Variants in BMP6 observed in about 807,000 individuals in gnomAD.
BMP6 encodes bone morphogenetic protein 6, also known as VG-1-R.
A neutral mutation model predicts 54.1 loss-of-function variants in BMP6; 17 were observed. That is an observed-to-expected ratio of 0.31 (90% CI 0.22 to 0.47). The LOEUF is 0.47. BMP6 is among the 20% of genes least tolerant of loss of function. The pLI is 1.00. For missense variants in BMP6, 720 were observed against 690.4 expected (o/e 1.04, Z -0.48); for synonymous variants, 328 against 291.2 (o/e 1.13, Z -1.28).
intron 4 of BMP6, among the ~76,000 whole-genome samples, chr6:7,868,081 G>T (rs1759454640): frequency 6.6e-6 from 1 of 152,182 alleles, no homozygotes; most frequent in Admixed American, 6.5e-5. Flanking sequence ...AGCACAGAGG[G>T]TCTTAGAGCT....
chr6:7,857,039 C>T (rs1057499128), intron 2 of BMP6, among the ~76,000 whole-genome samples: 26 of 152,268 alleles, frequency 1.7e-4, no homozygotes, highest in African/African-American at 4.6e-4. Flanking sequence ...TGCCCTTGTC[C>T]GAGGGCAAAG....
intron 1 of BMP6, among the ~76,000 whole-genome samples, chr6:7,730,766 C>G (rs1311824471): frequency 3.3e-5 from 5 of 152,184 alleles, no homozygotes; most frequent in Admixed American, 1.3e-4. Flanking sequence ...TAATTGCTGT[C>G]AATGCCATGT....
intron 1 of BMP6, among the ~76,000 whole-genome samples, chr6:7,813,108 A>AAAAAAAAATATATATATAT (rs1554122651): frequency 9.3e-5 from 2 of 21,496 alleles, no homozygotes; most frequent in Non-Finnish European, 1.5e-4. Context: ...AAAAAAAAAA[A>AAAAAAAAATATATATATAT]ATATATATAT....
chr6:7,801,357 C>T (rs1304227127), intron 1 of BMP6, among the ~76,000 whole-genome samples: 1 of 152,200 alleles, frequency 6.6e-6, no homozygotes, highest in Admixed American at 6.5e-5. Context: ...CTGAGAAACT[C>T]GATAGAGAAG....
intron 1 of BMP6, among the ~76,000 whole-genome samples, 162 bp from the exon 2 acceptor site, chr6:7,844,978 C>A (rs1001490136): frequency 6.6e-6 from 1 of 152,156 alleles, no homozygotes; most frequent in South Asian, 2.1e-4. Flanking sequence ...TTCATCTCCT[C>A]CTCATGGGCC....
At chr6:7,831,805 T>TG (rs1197749347) in intron 1 of BMP6, among the ~76,000 whole-genome samples, 1 of 152,190 alleles carries the variant, frequency 6.6e-6, no homozygotes, top group Non-Finnish European at 1.5e-5. Context: ...TCCTGGGTCC[T>TG]GGGGAAAGAC....
At chr6:7,832,801 G>T (rs1252189763) in intron 1 of BMP6, among the ~76,000 whole-genome samples, 1 of 149,708 alleles carries the variant, frequency 6.7e-6, no homozygotes, top group Non-Finnish European at 1.5e-5. Flanking sequence ...CTCAATCCAG[G>T]AAGTAAGAGA....
chr6:7,813,708 T>C (rs9328446), intron 1 of BMP6, among the ~76,000 whole-genome samples: 43,361 of 128,000 alleles, frequency 0.34, 9,598 homozygotes, highest in East Asian at 0.73. Flanking sequence ...ATTTGAAAAT[T>C]TCTATAGATA....
intron 1 of BMP6, among the ~76,000 whole-genome samples, chr6:7,732,695 C>T (rs925140686): frequency 3.3e-5 from 5 of 152,062 alleles, no homozygotes; most frequent in Admixed American, 6.6e-5. Context: ...GTATATCAAA[C>T]GTAGTATATC....
chr6:7,808,914 TAAA>T (rs70982107), intron 1 of BMP6, among the ~76,000 whole-genome samples: 5 of 88,996 alleles, frequency 5.6e-5, no homozygotes. Context: ...ACCCTGTCTC[TAAA>T]AAAAAAAAAA....
At chr6:7,835,389 G>A (rs1019490397) in intron 1 of BMP6, among the ~76,000 whole-genome samples, 23 of 152,300 alleles carry the variant, frequency 1.5e-4, no homozygotes, top group Admixed American at 5.2e-4. Context: ...GTGAGCCACC[G>A]TGCCCGGCCA....
At chr6:7,789,642 C>T (rs1758066254) in intron 1 of BMP6, among the ~76,000 whole-genome samples, 1 of 152,140 alleles carries the variant, frequency 6.6e-6, no homozygotes. Context: ...GAGGGGGTCA[C>T]TTGCTCCCAA....
chr6:7,767,417 TAG>T (rs1176307398), intron 1 of BMP6, among the ~76,000 whole-genome samples: 1 of 152,226 alleles, frequency 6.6e-6, no homozygotes, highest in Non-Finnish European at 1.5e-5. Flanking sequence ...TCTTTTGGCA[TAG>T]AGCAGTATTC....
At chr6:7,765,607 A>C (rs270398) in intron 1 of BMP6, among the ~76,000 whole-genome samples, 121,668 of 152,238 alleles carry the variant, frequency 0.8, 48,905 homozygotes, top group African/African-American at 0.83. Flanking sequence ...CTCTATCACT[A>C]ATTGGCTTGA....
chr6:7,812,115 T>C (rs1191533642), intron 1 of BMP6, among the ~76,000 whole-genome samples: 1 of 150,944 alleles, frequency 6.6e-6, no homozygotes, highest in Non-Finnish European at 1.5e-5. Flanking sequence ...TCAAGGCTTG[T>C]ACATTTTATA....
At chr6:7,790,630 C>A (rs1758084741) in intron 1 of BMP6, among the ~76,000 whole-genome samples, 1 of 149,890 alleles carries the variant, frequency 6.7e-6, no homozygotes, top group African/African-American at 2.5e-5. Flanking sequence ...TCCTGCCCTT[C>A]TACTGGTTGA....
chr6:7,868,498 C>T (rs780517885), intron 4 of BMP6, among the ~76,000 whole-genome samples: 15 of 152,124 alleles, frequency 9.9e-5, no homozygotes, highest in Middle Eastern at 3.2e-3. Context: ...AAGATGGGGC[C>T]GATAAGGCCC....
rs556613382 is a variant in BMP6, at chr6:7,832,774, T to A, written c.665-12366T>A. ...TAGGGGCACCAAGCCTTTTCAAAAT[T>A]TGGGTTCTGTAACAGTCTCAATCCA... On this transcript the variant is annotated intron_variant, in intron 1 of 6. Coordinates refer to ENST00000283147, the MANE Select transcript of BMP6 (RefSeq NM_001718.6). Among the ~76,000 whole-genome samples the A allele has an allele frequency of 3.9e-3, 583 of 148,222 alleles. 1 individual carries two copies. The highest frequency in any genetic ancestry group is 0.034 in the Middle Eastern group (10 of 292).
chr6:7,748,142 T>C (rs761317119), intron 1 of BMP6, among the ~76,000 whole-genome samples: 6 of 151,818 alleles, frequency 4.0e-5, no homozygotes, highest in Non-Finnish European at 8.8e-5. Context: ...TGTTTGAATA[T>C]GGGCCTTACC....
Sources: allele counts gnomAD v4.1 joint callset (sites outside exome capture counted in the v4.1 genomes callset), GRCh38; gene constraint gnomAD v4.1.1; transcripts MANE v1.5; gene names NCBI Gene and HGNC (gene_info 2026-07-23, HGNC 2026-07-21).